Variants in DENND1A observed in about 807,000 individuals in gnomAD.
DENND1A encodes DENN domain-containing protein 1A.
In DENND1A, 51 loss-of-function variants were observed where a neutral mutation model predicts 113.7. That is an observed-to-expected ratio of 0.45 (90% CI 0.36 to 0.57). DENND1A has a LOEUF of 0.57. DENND1A is among the 20% of genes least tolerant of loss of function. The probability of loss-of-function intolerance (pLI) is 0.00; values close to 1 mark genes in which losing one functional copy is unlikely to be tolerated. For synonymous variants in DENND1A, 565 were observed against 570.8 expected, an observed-to-expected ratio of 0.99 and a Z score of 0.14; for missense variants, 1,258 against 1,395.9, an observed-to-expected ratio of 0.90 and a Z score of 1.57.
chr9:123,536,191 C>T (rs1431935429), intron 13 of DENND1A, among the ~76,000 whole-genome samples: 2 of 152,170 alleles, frequency 1.3e-5, no homozygotes, highest in East Asian at 3.9e-4. Context: ...GACCTCAAAA[C>T]ATTGGACAGG....
intron 3 of DENND1A, among the ~76,000 whole-genome samples, chr9:123,774,802 T>A (rs1019010003): frequency 1.3e-5 from 2 of 152,186 alleles, no homozygotes; most frequent in African/African-American, 4.8e-5. Flanking sequence ...ATTAATGTTG[T>A]AATTCAAAGA....
chr9:123,544,640 TG>T (rs1404650239), intron 13 of DENND1A, among the ~76,000 whole-genome samples: 7 of 152,136 alleles, frequency 4.6e-5, no homozygotes, highest in Non-Finnish European at 7.4e-5. Context: ...ATCAGTAAAA[TG>T]GGGCTGTGCA....
chr9:123,768,562 A>G (rs1345353044), intron 4 of DENND1A, among the ~76,000 whole-genome samples: 1 of 152,136 alleles, frequency 6.6e-6, no homozygotes, highest in Non-Finnish European at 1.5e-5. Flanking sequence ...TCTTACTTAC[A>G]ATGTTATTTT....
chr9:123,818,170 T>C (rs2132557543), intron 2 of DENND1A, among the ~76,000 whole-genome samples: 1 of 152,170 alleles, frequency 6.6e-6, no homozygotes, highest in Admixed American at 6.5e-5. Flanking sequence ...AGTGGCGCGA[T>C]CTCGGCTCAC....
Position 123,609,438 on chromosome 9 carries a change from C to G in DENND1A, c.763G>C (p.Glu255Gln). 6.2e-7 allele frequency: 1 copy of G among 1,613,650 alleles called. No homozygotes were observed. Among genetic ancestry groups the G allele is most frequent in the South Asian group, 1.1e-5 (1 of 90,810 alleles). Residue 255 changes from glutamate to glutamine, a missense_variant and splice_region_variant, in exon 11 of 24, where the codon GAG becomes CAG. Glu to Gln is a conservative substitution (Grantham distance 29, BLOSUM62 2). Coordinates refer to ENST00000394215, the MANE Select transcript of DENND1A (RefSeq NM_001352964.2). Reference protein sequence around the residue: ...YLIGIHLSLMEKVRNMALDDV... With the variant: ...YLIGIHLSLMQKVRNMALDDV... ...GGGGAGGAAAGAAGCCAACTTACCT[C>G]CATTAAACTTAAATGGATTCCTATG...
At chr9:123,887,795 C>T (rs770912677) in intron 1 of DENND1A, among the ~76,000 whole-genome samples, 4 of 151,970 alleles carry the variant, frequency 2.6e-5, no homozygotes, top group African/African-American at 9.7e-5. Context: ...GGGCCGTGTG[C>T]CTAATCTGAA....
At chr9:123,888,284 G>A (rs1818946527) in intron 1 of DENND1A, among the ~76,000 whole-genome samples, 1 of 152,172 alleles carries the variant, frequency 6.6e-6, no homozygotes, top group Non-Finnish European at 1.5e-5. Context: ...GGGGCAGTCT[G>A]AGCATCCAAA....
At chr9:123,412,125 GC>G (rs2044354348) in intron 19 of DENND1A, among the ~76,000 whole-genome samples, 1 of 152,284 alleles carries the variant, frequency 6.6e-6, no homozygotes. Context: ...AATAGGGCGA[GC>G]CCACCCCCTC....
intron 21 of DENND1A, among the ~76,000 whole-genome samples, chr9:123,390,300 C>T (rs887430574): frequency 4.6e-5 from 7 of 152,226 alleles, no homozygotes; most frequent in African/African-American, 1.7e-4. Flanking sequence ...TTACCATCTT[C>T]CTGGAGCTGC....
intron 15 of DENND1A, among the ~76,000 whole-genome samples, chr9:123,455,484 C>A (rs945216149): frequency 6.6e-6 from 1 of 152,232 alleles, no homozygotes; most frequent in African/African-American, 2.4e-5. Flanking sequence ...CTAGTCACCA[C>A]GCCCTACTCT....
chr9:123,623,605 CTGAT>C (rs1344846060), intron 10 of DENND1A, among the ~76,000 whole-genome samples: 1 of 152,310 alleles, frequency 6.6e-6, no homozygotes, highest in African/African-American at 2.4e-5. Flanking sequence ...TTGTACTAAA[CTGAT>C]TTTTTCCAGA....
intron 11 of DENND1A, among the ~76,000 whole-genome samples, chr9:123,599,291 A>T (rs2059839322): frequency 6.6e-6 from 1 of 152,166 alleles, no homozygotes; most frequent in Non-Finnish European, 1.5e-5. Flanking sequence ...AGATCTATAG[A>T]CTCCATTTTT....
chr9:123,843,196 T>A, intron 2 of DENND1A: 1 of 549,202 alleles, frequency 1.8e-6, no homozygotes, highest in South Asian at 1.4e-5. Context: ...GTAGCTGCTG[T>A]CAATCTAGTA....
chr9:123,449,823 T>C (rs142575920), intron 18 of DENND1A, among the ~76,000 whole-genome samples: 10 of 152,038 alleles, frequency 6.6e-5, no homozygotes, highest in African/African-American at 1.7e-4. Flanking sequence ...AATGAGACAA[T>C]AGACTTTGCG....
At chr9:123,391,511 T>C (rs1159691527) in intron 21 of DENND1A, among the ~76,000 whole-genome samples, 2 of 152,194 alleles carry the variant, frequency 1.3e-5, no homozygotes, top group African/African-American at 4.8e-5. Flanking sequence ...AGGAACTGAA[T>C]GTGGATTTGC....
chr9:123,680,357 C>T (rs902888314), intron 5 of DENND1A, among the ~76,000 whole-genome samples: 6 of 152,206 alleles, frequency 3.9e-5, no homozygotes, highest in Admixed American at 1.3e-4. Flanking sequence ...GTTTCCTCCA[C>T]CCACTGCCTT....
intron 1 of DENND1A, among the ~76,000 whole-genome samples, chr9:123,889,709 A>T (rs1849622702): frequency 6.6e-6 from 1 of 152,220 alleles, no homozygotes; most frequent in African/African-American, 2.4e-5. Flanking sequence ...GTGGTGGCTC[A>T]TACCTGTAAT....
At chr9:123,685,511 A>G (rs1369192714) in intron 5 of DENND1A, among the ~76,000 whole-genome samples, 5 of 152,226 alleles carry the variant, frequency 3.3e-5, no homozygotes, top group Non-Finnish European at 7.3e-5. Context: ...TGCTTATATA[A>G]ATCTACCCAA....
intron 12 of DENND1A, among the ~76,000 whole-genome samples, chr9:123,578,947 A>G (rs1432882496): frequency 2.0e-5 from 3 of 152,190 alleles, no homozygotes; most frequent in African/African-American, 7.2e-5. Flanking sequence ...AGACACTGGG[A>G]CAAAAGAAAT....
Sources: allele counts gnomAD v4.1 joint callset (sites outside exome capture counted in the v4.1 genomes callset), GRCh38; gene constraint gnomAD v4.1.1; transcripts MANE v1.5; gene names NCBI Gene and HGNC (gene_info 2026-07-23, HGNC 2026-07-21).